CYTH3: variants seen among roughly 807,000 people sequenced by gnomAD.
The protein encoded by CYTH3 is cytohesin-3.
Under a neutral mutation model 55.1 loss-of-function variants are expected in CYTH3, and 23 were observed. That is an observed-to-expected ratio of 0.42 (90% CI 0.30 to 0.59). The LOEUF is 0.59. Ranked by LOEUF, CYTH3 falls within the 20% of genes least tolerant of loss-of-function variation. The probability of loss-of-function intolerance (pLI) is 0.20; values close to 1 mark genes in which losing one functional copy is unlikely to be tolerated. For missense variants in CYTH3, 413 were observed against 524.8 expected (o/e 0.79, Z 2.08); for synonymous variants, 249 against 194.9 (o/e 1.28, Z -2.31).
At chr7:6,235,162 G>A (rs555982890) in intron 1 of CYTH3, among the ~76,000 whole-genome samples, 1 of 152,198 alleles carries the variant, frequency 6.6e-6, no homozygotes, top group Non-Finnish European at 1.5e-5. Flanking sequence ...CCCAGCACCT[G>A]CCCTGATCCA....
At chr7:6,180,985 C>G (rs187403094) in intron 4 of CYTH3, among the ~76,000 whole-genome samples, 1 of 152,306 alleles carries the variant, frequency 6.6e-6, no homozygotes, top group Non-Finnish European at 1.5e-5. Context: ...TTTCACAGGC[C>G]TTTCCAGCCT....
rs183855106 is a variant in CYTH3 at position 6,220,189 on chromosome 7, G to A, written c.35-29658C>T. On this transcript the variant is annotated intron_variant, in intron 1 of 12. Transcript: ENST00000350796. ...TGGGATTACAGGGGTGAGCCACCGC[G>A]CCTGGCCTAGCCAAGTGATTTTTGA... Among the ~76,000 whole-genome samples the A allele has an allele frequency of 1.4e-4, 21 of 152,158 alleles. No individual in the cohort carries two copies. In the East Asian group the frequency reaches 2.3e-3, roughly 17 times the overall value.
intron 1 of CYTH3, among the ~76,000 whole-genome samples, chr7:6,215,905 G>C (rs895230250): frequency 2.0e-5 from 3 of 152,198 alleles, no homozygotes; most frequent in Non-Finnish European, 4.4e-5. Context: ...CATTCTTCAA[G>C]TGAAGAAAGA....
At chr7:6,267,340 T>C (rs1354810876) in intron 1 of CYTH3, among the ~76,000 whole-genome samples, 2 of 152,200 alleles carry the variant, frequency 1.3e-5, no homozygotes, top group Non-Finnish European at 2.9e-5. Flanking sequence ...TAGAACCTGG[T>C]ATTTGGTAGA....
chr7:6,204,985 C>A (rs150257063), intron 1 of CYTH3, among the ~76,000 whole-genome samples: 351 of 151,894 alleles, frequency 2.3e-3, no homozygotes, highest in Middle Eastern at 0.01. Context: ...GGCAACATGG[C>A]GAAGACCCTG....
chr7:6,197,637 C>G (rs540887362), intron 1 of CYTH3, among the ~76,000 whole-genome samples: 1 of 152,250 alleles, frequency 6.6e-6, no homozygotes, highest in African/African-American at 2.4e-5. Context: ...GAGCCAAGAT[C>G]ATGCCATTGC....
rs1783674314 is a variant in CYTH3, at chr7:6,187,065, G to A, written c.234C>T (p.Asn78=). The change falls in exon 4 of 13, where the codon AAC becomes AAT. Residue 78 remains asparagine (N), a synonymous_variant. Coordinates refer to ENST00000350796, the MANE Select transcript of CYTH3 (RefSeq NM_004227.4). ...KQIAMGRKKF[N]MDPKKGIQFL... ...ATTCTCTTACCTTTTTGGGATCCAT[G>A]TTGAATTTCTTTCTTCCCATGGCTA... 6.2e-7 allele frequency: 1 copy of A among 1,614,112 alleles called. No homozygotes were observed. The highest frequency in any genetic ancestry group is 8.5e-7 in the Non-Finnish European group (1 of 1,179,960).
Position 6,190,496 on chromosome 7 carries a change from GTTC to G in CYTH3, c.67_69del (p.Glu23del). Reference sequence around the variant, plus strand: ...TTTTTTCTTCGACGAATGTCTAGAAGTTCTTCTCTCTCTTCTAATGAGAGGTCT... The same window carrying G: ...TTTTTTCTTCGACGAATGTCTAGAAGTTCTCTCTCTTCTAATGAGAGGTCT... On this transcript the variant is annotated inframe_deletion, in exon 2 of 13. Coordinates refer to ENST00000350796, the MANE Select transcript of CYTH3 (RefSeq NM_004227.4). 2.0e-6 allele frequency: 3 copies of G among 1,503,762 alleles called. No homozygotes were observed. Among genetic ancestry groups the G allele is most frequent in the Non-Finnish European group, 2.7e-6 (3 of 1,131,546 alleles). The allele number at this position is 1,503,762 out of a possible 1,614,324, so 93.2% of individuals were successfully genotyped here.
chr7:6,238,565 A>T (rs1433232498), intron 1 of CYTH3, among the ~76,000 whole-genome samples: 1 of 152,232 alleles, frequency 6.6e-6, no homozygotes, highest in Non-Finnish European at 1.5e-5. Flanking sequence ...AAATGTAAAA[A>T]GAAAGCCCTT....
chr7:6,265,633 A>AG (rs1554255810), intron 1 of CYTH3, among the ~76,000 whole-genome samples: 25 of 149,646 alleles, frequency 1.7e-4, no homozygotes, highest in African/African-American at 2.9e-4. Flanking sequence ...AAAAAAAAAA[A>AG]AAGAAGAAGA....
At chr7:6,245,667 G>A (rs1779794355) in intron 1 of CYTH3, among the ~76,000 whole-genome samples, 1 of 152,210 alleles carries the variant, frequency 6.6e-6, no homozygotes, top group African/African-American at 2.4e-5. Context: ...CACTTCGGGA[G>A]GCCGAGGCAG....
In CYTH3 at chr7:6,171,046, G is replaced by A. The variant is rs1783174329; in HGVS notation, c.563-68C>T. On this transcript the variant is annotated intron_variant, in intron 7 of 12. Coordinates refer to ENST00000350796, the MANE Select transcript of CYTH3 (RefSeq NM_004227.4). The surrounding 1 kb of genome is among the most constrained non-coding windows in gnomAD (Gnocchi z 6.7). ...TGGACAGTGGGACCCCGCGTGCTGG[G>A]GGCCCGCCTGCAAGAGGTGCCCGGC... is the stretch of plus-strand genomic sequence containing the variant. The A allele has an allele frequency of 1.9e-6, 3 of 1,600,760 alleles. No homozygotes were observed. The highest frequency in any genetic ancestry group is 2.2e-5 in the East Asian group (1 of 44,570).
intron 1 of CYTH3, among the ~76,000 whole-genome samples, chr7:6,250,576 C>A (rs1377570968): frequency 6.6e-6 from 1 of 152,138 alleles, no homozygotes; most frequent in East Asian, 1.9e-4. Context: ...GATGAACCTG[C>A]TGAGTGAAAA....
At chr7:6,258,126 T>C (rs944369256) in intron 1 of CYTH3, among the ~76,000 whole-genome samples, 8 of 152,044 alleles carry the variant, frequency 5.3e-5, no homozygotes, top group African/African-American at 1.7e-4. Context: ...ATATTTTTTG[T>C]TTCTTTGGTT....
intron 1 of CYTH3, among the ~76,000 whole-genome samples, chr7:6,233,057 C>T (rs894811993): frequency 1.3e-5 from 2 of 152,164 alleles, no homozygotes; most frequent in African/African-American, 4.8e-5. Flanking sequence ...ATTCCTCTTT[C>T]TTCCCAAGCT....
chr7:6,180,403 C>T (rs1181352399), intron 4 of CYTH3, among the ~76,000 whole-genome samples: 1 of 152,222 alleles, frequency 6.6e-6, no homozygotes, highest in Non-Finnish European at 1.5e-5. Flanking sequence ...CACACTTGTC[C>T]TATGAGACAG....
chr7:6,188,879 T>G (rs1179721839), intron 2 of CYTH3: 1 of 152,216 alleles, frequency 6.6e-6, no homozygotes, highest in African/African-American at 2.4e-5. Context: ...TTCCCAAGAA[T>G]GAAGGGTAAC....
chr7:6,183,445 G>A (rs1162994164), intron 4 of CYTH3, among the ~76,000 whole-genome samples: 2 of 152,222 alleles, frequency 1.3e-5, no homozygotes, highest in African/African-American at 4.8e-5. Context: ...GCTGCAGAGT[G>A]TTTTCAGCTT....
intron 1 of CYTH3, among the ~76,000 whole-genome samples, chr7:6,214,186 A>G (rs550160909): frequency 4.6e-5 from 7 of 152,220 alleles, no homozygotes; most frequent in Non-Finnish European, 1.0e-4. Flanking sequence ...ATAAACGGCC[A>G]TGTGATAAAG....
Sources: gnomAD v4.1 joint callset for allele counts (sites outside exome capture counted in the v4.1 genomes callset) on GRCh38, gnomAD v4.1.1 for gene constraint, Gnocchi (gnomAD v3.1) non-coding constraint, MANE v1.5 for transcripts, NCBI Gene and HGNC (gene_info 2026-07-23, HGNC 2026-07-21) for gene names.